Variants in RABGEF1 observed in about 807,000 individuals in gnomAD.
RABGEF1 encodes the protein rab5 GDP/GTP exchange factor.
A neutral mutation model predicts 57.3 loss-of-function variants in RABGEF1; 26 were observed. The ratio of observed to expected loss-of-function variants is 0.45; its 90% CI spans 0.33 to 0.63. The LOEUF is 0.63. RABGEF1 is among the 20% of genes least tolerant of loss of function. RABGEF1 has a pLI of 0.02. For missense variants in RABGEF1, 464 were observed against 607.6 expected (o/e 0.76, Z 2.48); for synonymous variants, 185 against 210.7 (o/e 0.88, Z 1.06).
intron 1 of RABGEF1, among the ~76,000 whole-genome samples, chr7:66,762,872 C>T (rs1441499457): frequency 6.6e-6 from 1 of 152,152 alleles, no homozygotes; most frequent in East Asian, 1.9e-4. Context: ...TAGACCTAAA[C>T]GATGAGAAAC....
At chr7:66,678,564 CAAAAAAAAAA>C (rs58309880), upstream of RABGEF1, among the ~76,000 whole-genome samples, 1 of 86,196 alleles carries the variant, frequency 1.2e-5, no homozygotes, top group African/African-American at 4.7e-5. Flanking sequence ...GAGTCCGTCT[CAAAAAAAAAA>C]AAAAAAAAAA....
chr7:66,784,213 T>A (rs1389858454), intron 4 of RABGEF1, among the ~76,000 whole-genome samples: 1 of 152,258 alleles, frequency 6.6e-6, no homozygotes, highest in Non-Finnish European at 1.5e-5. Context: ...GTTGTTGTTG[T>A]TGAATTCTGT....
intron 1 of RABGEF1, among the ~76,000 whole-genome samples, chr7:66,748,516 C>T (rs1585128611): frequency 6.6e-6 from 1 of 152,110 alleles, no homozygotes; most frequent in East Asian, 1.9e-4. Flanking sequence ...GGGGGTATCA[C>T]GATGGAACAG....
upstream of RABGEF1, chr7:66,740,041 T>C (rs563676703): frequency 1.3e-5 from 2 of 152,362 alleles, no homozygotes; most frequent in Admixed American, 6.5e-5. Context: ...TGGAGGGATC[T>C]CTGCACCGTC....
At chr7:66,742,437 G>A (rs1478245587) in intron 1 of RABGEF1, among the ~76,000 whole-genome samples, 1 of 152,174 alleles carries the variant, frequency 6.6e-6, no homozygotes, top group East Asian at 1.9e-4. Context: ...ATGGAGCACC[G>A]AGGAAGGAGC....
chr7:66,728,954 T>C (rs1796968530), intron 2 of RABGEF1, among the ~76,000 whole-genome samples: 1 of 149,478 alleles, frequency 6.7e-6, no homozygotes, highest in South Asian at 2.1e-4. Context: ...ACCTCCACTT[T>C]TTTTTTTTTT....
chr7:66,670,891 G>GTA, the RABGEF1 span, among the ~76,000 whole-genome samples: 334 of 122,864 alleles, frequency 2.7e-3, 1 homozygote, highest in African/African-American at 2.8e-3. Context: ...ATACACATAC[G>GTA]TATACACACA....
At chr7:66,688,512 T>A (rs1485937438) in intron 1 of RABGEF1, among the ~76,000 whole-genome samples, 1 of 152,206 alleles carries the variant, frequency 6.6e-6, no homozygotes, top group Non-Finnish European at 1.5e-5. Context: ...TGTATTAGGC[T>A]GCAAAACAAG....
intron 1 of RABGEF1, among the ~76,000 whole-genome samples, chr7:66,697,778 C>T (rs1469316755): frequency 6.6e-6 from 1 of 152,062 alleles, no homozygotes; most frequent in Non-Finnish European, 1.5e-5. Context: ...GAACATCACC[C>T]CATAAACTGA....
intron 1 of RABGEF1, among the ~76,000 whole-genome samples, chr7:66,698,965 G>A: frequency 6.6e-6 from 1 of 152,234 alleles, no homozygotes; most frequent in Admixed American, 6.5e-5. Context: ...GGGCCAAGGT[G>A]CAGGAAGCAA....
intron 2 of RABGEF1, among the ~76,000 whole-genome samples, chr7:66,731,625 G>C (rs1797326823): frequency 6.6e-6 from 1 of 152,194 alleles, no homozygotes; most frequent in Non-Finnish European, 1.5e-5. Context: ...GCTGAAGTGA[G>C]AAGATGGCTT....
At chr7:66,675,689 A>G in the RABGEF1 span, among the ~76,000 whole-genome samples, 53 of 152,340 alleles carry the variant, frequency 3.5e-4, no homozygotes, top group African/African-American at 1.2e-3. Flanking sequence ...GTAAGGATCC[A>G]GCATAGACGA....
intron 1 of RABGEF1, among the ~76,000 whole-genome samples, chr7:66,765,041 A>G (rs1053964036): frequency 6.6e-6 from 1 of 151,982 alleles, no homozygotes; most frequent in African/African-American, 2.4e-5. Flanking sequence ...ACTTAATTAT[A>G]TCTGCAAAGT....
At chr7:66,675,289 G>A in the RABGEF1 span, among the ~76,000 whole-genome samples, 1 of 152,086 alleles carries the variant, frequency 6.6e-6, no homozygotes, top group South Asian at 2.1e-4. Flanking sequence ...AATTAGCCAG[G>A]CGTGGTGGCA....
chr7:66,787,335 GAT>G (rs1811429958), intron 4 of RABGEF1, among the ~76,000 whole-genome samples: 1 of 111,476 alleles, frequency 9.0e-6, no homozygotes, highest in Non-Finnish European at 1.9e-5. Context: ...TGCCTGGCCT[GAT>G]TTTTTTTTTT....
chr7:66,680,787 A>T (rs1789658094), upstream of RABGEF1, among the ~76,000 whole-genome samples: 1 of 152,016 alleles, frequency 6.6e-6, no homozygotes, highest in Non-Finnish European at 1.5e-5. Flanking sequence ...TCTCTAGTAA[A>T]AATACAAAAA....
At chr7:66,712,257 A>T (rs985221126) in intron 2 of RABGEF1, 2 of 152,132 alleles carry the variant, frequency 1.3e-5, no homozygotes, top group African/African-American at 4.8e-5. Context: ...GTCTTTCTAG[A>T]TTCCTTTTAA....
intron 1 of RABGEF1, among the ~76,000 whole-genome samples, chr7:66,757,274 C>T (rs1353705463): frequency 2.0e-5 from 3 of 151,620 alleles, no homozygotes; most frequent in Admixed American, 6.6e-5. Context: ...TACTTTCTAA[C>T]TTGTTATTGT....
intron 1 of RABGEF1, among the ~76,000 whole-genome samples, chr7:66,749,886 A>G (rs1248128934): frequency 2.0e-5 from 3 of 152,190 alleles, no homozygotes; most frequent in African/African-American, 7.2e-5. Flanking sequence ...AAGCAGGAGA[A>G]TCGCTGGAAC....
Sources: gnomAD v4.1 joint callset for allele counts (sites outside exome capture counted in the v4.1 genomes callset) on GRCh38, gnomAD v4.1.1 for gene constraint, MANE v1.5 for transcripts, NCBI Gene and HGNC (gene_info 2026-07-23, HGNC 2026-07-21) for gene names.